The following PPP3CB variants were observed in gnomAD, a reference collection of about 807,000 sequenced individuals.
The protein encoded by PPP3CB is serine/threonine-protein phosphatase 2B catalytic subunit beta isoform.
A neutral mutation model predicts 66.4 loss-of-function variants in PPP3CB; 8 were observed. The observed-to-expected ratio is 0.12, with a 90% CI of 0.07 to 0.22. The LOEUF (loss-of-function observed/expected upper bound fraction) is 0.22. Ranked by LOEUF, PPP3CB falls within the 10% of genes least tolerant of loss-of-function variation. The probability of loss-of-function intolerance (pLI) is 1.00; values close to 1 mark genes in which losing one functional copy is unlikely to be tolerated. For synonymous variants in PPP3CB, 208 were observed against 221.2 expected (o/e 0.94, Z 0.53); for missense variants, 319 against 642.5 (o/e 0.50, Z 5.44).
At chr10:73,454,891 G>A (rs1261896418) in intron 9 of PPP3CB, among the ~76,000 whole-genome samples, 4 of 149,606 alleles carry the variant, frequency 2.7e-5, no homozygotes, top group Admixed American at 1.3e-4. Context: ...TTTTTTTTTG[G>A]AGATGGAGTC....
intron 11 of PPP3CB, among the ~76,000 whole-genome samples, chr10:73,445,315 A>C (rs569107124): frequency 9.8e-5 from 15 of 152,340 alleles, no homozygotes; most frequent in African/African-American, 3.4e-4. Flanking sequence ...ATCCTGCTCT[A>C]ATTTTCAAGG....
chr10:73,465,325 C>T (rs2056601871), intron 9 of PPP3CB, among the ~76,000 whole-genome samples: 1 of 152,096 alleles, frequency 6.6e-6, no homozygotes, highest in Non-Finnish European at 1.5e-5. Context: ...AACTCCTGGG[C>T]TCAAGTGATC....
At chr10:73,478,399 T>C in intron 3 of PPP3CB, 100 bp downstream of exon 3, 1 of 1,075,778 alleles carries the variant, frequency 9.3e-7, no homozygotes, top group Non-Finnish European at 1.3e-6. Context: ...TGCAGAGTTA[T>C]TAAAAAAACC....
At chr10:73,456,913 T>C (rs1480799762) in intron 9 of PPP3CB, among the ~76,000 whole-genome samples, 2 of 152,124 alleles carry the variant, frequency 1.3e-5, no homozygotes, top group African/African-American at 4.8e-5. Context: ...TTATATAAAA[T>C]GTCTAGCAAA....
At position 73,475,158 on chromosome 10, in the gene PPP3CB, A is replaced by G; in HGVS notation, c.412-128T>C. On this transcript the variant is annotated intron_variant, in intron 3 of 13. Coordinates refer to ENST00000360663, the MANE Select transcript of PPP3CB (RefSeq NM_021132.4). ...ATCTTTCTTTGTCCCTTACTAAAAT[A>G]TAAGCACCACAAAATCACAGATTTT... 7 of 1,252,220 alleles carry G rather than the reference A, an allele frequency of 5.6e-6. No individual in the cohort carries two copies. In the South Asian group the frequency reaches 1.2e-4, roughly 21 times the overall value. 77.6% of individuals were successfully genotyped at this position (1,252,220 alleles called of 1,614,324 possible). A position where few individuals can be genotyped will look rare whatever the true frequency, so the allele number is the denominator to read the frequency against.
intron 12 of PPP3CB, among the ~76,000 whole-genome samples, chr10:73,441,963 CCTAA>C (rs1411648932): frequency 6.6e-6 from 1 of 152,212 alleles, no homozygotes; most frequent in South Asian, 2.1e-4. Flanking sequence ...TTTTGCAATA[CCTAA>C]CTCTCAGTTA....
At position 73,495,963 on chromosome 10, in the gene PPP3CB, C is replaced by A; in HGVS notation, c.-74G>T. 4 of 886,370 alleles carry A rather than the reference C, an allele frequency of 4.5e-6. No individual in the cohort carries two copies. The highest frequency in any genetic ancestry group is 1.9e-5 in the African/African-American group (1 of 53,122). 54.9% of individuals were successfully genotyped at this position (886,370 alleles called of 1,614,324 possible). ...GGGGGCGGCGGCTACCAGAGCCAAGCGGCGGCGCCGCCGGGGAACATGGCG... is the reference window on the plus strand; with the variant it reads ...GGGGGCGGCGGCTACCAGAGCCAAGAGGCGGCGCCGCCGGGGAACATGGCG... On this transcript the variant is annotated 5_prime_UTR_variant, in exon 1 of 14. Transcript: ENST00000360663.
At chr10:73,495,779 C>T in intron 1 of PPP3CB, 26 bp downstream of exon 1, 2 of 1,569,150 alleles carry the variant, frequency 1.3e-6, no homozygotes, top group Non-Finnish European at 1.7e-6. Context: ...TCAGGCCAGG[C>T]CCCCAGGGTT....
chr10:73,495,938 G>A lies in PPP3CB; in HGVS notation c.-49C>T, dbSNP rs945378968. On this transcript the variant is annotated 5_prime_UTR_variant, in exon 1 of 14. Coordinates refer to ENST00000360663, the MANE Select transcript of PPP3CB (RefSeq NM_021132.4). ...CTCTGGGCCGGGCGGGGTTGGGGGC[G>A]GGGGCGGCGGCTACCAGAGCCAAGC... 4.6e-6 allele frequency: 5 copies of A among 1,075,350 alleles called. No homozygotes were observed. The highest frequency in any genetic ancestry group is 1.7e-5 in the African/African-American group (1 of 60,580). The allele number at this position is 1,075,350 out of a possible 1,614,324, so 66.6% of individuals were successfully genotyped here.
intron 9 of PPP3CB, among the ~76,000 whole-genome samples, chr10:73,461,873 C>T (rs2056526431): frequency 6.6e-6 from 1 of 152,158 alleles, no homozygotes; most frequent in South Asian, 2.1e-4. Context: ...GTGACTGGAT[C>T]ATGGGGGTGG....
At chr10:73,465,774 C>G (rs2056609509) in intron 9 of PPP3CB, among the ~76,000 whole-genome samples, 1 of 152,110 alleles carries the variant, frequency 6.6e-6, no homozygotes, top group African/African-American at 2.4e-5. Flanking sequence ...TCATTACCAT[C>G]AAGAAGTAGT....
At chr10:73,440,013 A>C in intron 12 of PPP3CB, 112 bp from the exon 13 acceptor site, 1 of 1,101,592 alleles carries the variant, frequency 9.1e-7, no homozygotes, top group South Asian at 1.4e-5. Context: ...CCCATACTAC[A>C]TCATCATTTA....
chr10:73,481,915 G>A (rs1020098101), intron 1 of PPP3CB, among the ~76,000 whole-genome samples: 1 of 151,476 alleles, frequency 6.6e-6, no homozygotes, highest in Non-Finnish European at 1.5e-5. Context: ...AGGCATTAAA[G>A]TATATTTTAC....
rs894154999 is a variant in PPP3CB at position 73,444,956 on chromosome 10, C to T, written c.1269-134G>A. 1.9e-5 allele frequency: 17 copies of T among 903,766 alleles called. No individual in the cohort carries two copies. In the African/African-American group the frequency reaches 2.0e-4, roughly 11 times the overall value. The allele number at this position is 903,766 out of a possible 1,614,324, so 56.0% of individuals were successfully genotyped here. A position where few individuals can be genotyped will look rare whatever the true frequency, so the allele number is the denominator to read the frequency against. ...GCTATTACCATATTTTCCTCAATTT[C>T]AAGACATTAATTTTTCTATATTTTA... is the stretch of plus-strand genomic sequence containing the variant. On this transcript the variant is annotated intron_variant, in intron 11 of 13. Transcript: ENST00000360663.
intron 4 of PPP3CB, 61 bp from the exon 5 acceptor site, chr10:73,471,674 AAC>A: frequency 7.6e-7 from 1 of 1,311,024 alleles, no homozygotes. Context: ...CCATTTTAAA[AAC>A]ATATATATTA....
chr10:73,472,120 A>ACT (rs1299996044), intron 4 of PPP3CB, among the ~76,000 whole-genome samples: 3 of 152,244 alleles, frequency 2.0e-5, no homozygotes, highest in Non-Finnish European at 2.9e-5. Flanking sequence ...GTTATGTCTT[A>ACT]TGAAGCAAAA....
At chr10:73,493,912 TA>T (rs1203264741) in intron 1 of PPP3CB, among the ~76,000 whole-genome samples, 6 of 152,148 alleles carry the variant, frequency 3.9e-5, no homozygotes, top group Admixed American at 3.3e-4. Context: ...TTCACTGCAT[TA>T]AAGCAGTACA....
At position 73,437,596 on chromosome 10, in the gene PPP3CB, TAA is replaced by T. The variant is rs916865753; in HGVS notation, c.*644_*645del. The T allele has an allele frequency of 6.6e-6, 1 of 152,642 alleles. No homozygotes were observed. Among genetic ancestry groups the T allele is most frequent in the Non-Finnish European group, 1.5e-5 (1 of 68,042 alleles). 9.5% of individuals were successfully genotyped at this position (152,642 alleles called of 1,614,324 possible). Reference sequence around the variant, plus strand: ...TAAAAGATCTGGGCAAAAAAGACTCTAAATTAGTTTTTGGATTTGTGTTCAAG... The same window carrying T: ...TAAAAGATCTGGGCAAAAAAGACTCTATTAGTTTTTGGATTTGTGTTCAAG... On this transcript the variant is annotated 3_prime_UTR_variant, in exon 14 of 14. Coordinates refer to ENST00000360663, the MANE Select transcript of PPP3CB (RefSeq NM_021132.4).
intron 3 of PPP3CB, among the ~76,000 whole-genome samples, chr10:73,477,645 T>G (rs888929584): frequency 3.3e-5 from 5 of 152,182 alleles, no homozygotes; most frequent in African/African-American, 1.2e-4. Flanking sequence ...GGCAGGGCAA[T>G]GTGGCTCACA....
Sources: gnomAD v4.1 joint callset for allele counts (sites outside exome capture counted in the v4.1 genomes callset) on GRCh38, gnomAD v4.1.1 for gene constraint, MANE v1.5 for transcripts, NCBI Gene and HGNC (gene_info 2026-07-23, HGNC 2026-07-21) for gene names.